The following SHISA6 variants were observed in gnomAD, a reference collection of about 807,000 sequenced individuals.
SHISA6 encodes the protein shisa family member 6.
In SHISA6, 22 loss-of-function variants were observed where a neutral mutation model predicts 47.9. The ratio of observed to expected loss-of-function variants is 0.46; its 90% CI spans 0.33 to 0.66. The LOEUF (loss-of-function observed/expected upper bound fraction) is 0.66. Among genes scored for constraint, SHISA6 ranks in the 30% least tolerant of loss-of-function variants. The pLI, the probability that SHISA6 is intolerant of heterozygous loss-of-function variation, is 0.02. For synonymous variants in SHISA6, 388 were observed against 337.8 expected (o/e 1.15, Z -1.63); for missense variants, 680 against 764.6 (o/e 0.89, Z 1.30).
intron 3 of SHISA6, among the ~76,000 whole-genome samples, chr17:11,522,015 G>C (rs1315080487): frequency 1.3e-5 from 2 of 151,312 alleles, no homozygotes; most frequent in African/African-American, 2.4e-5. Flanking sequence ...ACCCAGGCTG[G>C]AGTGCAGTGG....
chr17:11,293,673 C>T (rs1355403084), intron 2 of SHISA6, among the ~76,000 whole-genome samples: 1 of 151,946 alleles, frequency 6.6e-6, no homozygotes, highest in African/African-American at 2.4e-5. Flanking sequence ...GGGCTTTGAG[C>T]ACACCAGCTG....
intron 2 of SHISA6, among the ~76,000 whole-genome samples, chr17:11,300,034 A>G (rs1445270799): frequency 6.6e-6 from 1 of 151,830 alleles, no homozygotes; most frequent in African/African-American, 2.4e-5. Context: ...AGTCCCAGCT[A>G]CTTGGGAGGC....
At chr17:11,350,484 A>G (rs374603609) in intron 2 of SHISA6, among the ~76,000 whole-genome samples, 12 of 151,892 alleles carry the variant, frequency 7.9e-5, no homozygotes, top group African/African-American at 2.4e-4. Context: ...CCAGCCGAGG[A>G]CCCATTTAAG....
intron 3 of SHISA6, among the ~76,000 whole-genome samples, chr17:11,525,373 G>A (rs539256380): frequency 2.0e-5 from 3 of 152,144 alleles, no homozygotes; most frequent in Admixed American, 6.5e-5. Flanking sequence ...GGTGGCTCAC[G>A]CCTGTAATCC....
intron 1 of SHISA6, among the ~76,000 whole-genome samples, chr17:11,262,151 G>C (rs1374120104): frequency 1.3e-5 from 2 of 152,188 alleles, no homozygotes; most frequent in African/African-American, 4.8e-5. Context: ...GATCCAGTCA[G>C]TTGTCCCAGG....
At chr17:11,456,376 T>C (rs1915533423) in intron 3 of SHISA6, among the ~76,000 whole-genome samples, 1 of 152,164 alleles carries the variant, frequency 6.6e-6, no homozygotes, top group Non-Finnish European at 1.5e-5. Flanking sequence ...AGGCACTCAG[T>C]GTGCCGACAG....
chr17:11,523,818 C>T (rs933002208), intron 3 of SHISA6, among the ~76,000 whole-genome samples: 4 of 151,962 alleles, frequency 2.6e-5, no homozygotes, highest in African/African-American at 7.3e-5. Flanking sequence ...CCAGCCTGAC[C>T]GACATGGAGA....
At chr17:11,538,286 C>T (rs1435148530) in intron 3 of SHISA6, among the ~76,000 whole-genome samples, 1 of 152,120 alleles carries the variant, frequency 6.6e-6, no homozygotes, top group African/African-American at 2.4e-5. Flanking sequence ...CTGGTCTCAA[C>T]TCCTGACCTT....
chr17:11,390,220 G>T (rs1661419935), intron 3 of SHISA6, among the ~76,000 whole-genome samples: 1 of 152,174 alleles, frequency 6.6e-6, no homozygotes, highest in South Asian at 2.1e-4. Context: ...GAGAGTCATG[G>T]AGTCAGACAT....
intron 2 of SHISA6, among the ~76,000 whole-genome samples, chr17:11,363,810 A>G (rs1338586009): frequency 6.6e-6 from 1 of 152,138 alleles, no homozygotes; most frequent in Non-Finnish European, 1.5e-5. Context: ...GCCCCTTTCC[A>G]TGGCAATGAC....
chr17:11,260,578 C>T (rs960192686), intron 1 of SHISA6, among the ~76,000 whole-genome samples: 2 of 152,020 alleles, frequency 1.3e-5, no homozygotes, highest in African/African-American at 4.8e-5. Context: ...CCCTTTGGTT[C>T]TCTGTGGCTT....
chr17:11,389,095 C>T (rs866074157), intron 3 of SHISA6, among the ~76,000 whole-genome samples: 12 of 152,010 alleles, frequency 7.9e-5, no homozygotes, highest in Admixed American at 4.6e-4. Flanking sequence ...AGCAGGAGAG[C>T]ACTAAGCACT....
intron 3 of SHISA6, among the ~76,000 whole-genome samples, chr17:11,462,517 T>TACCATCAATATGGAGTGTTGGGCA (rs1915717244): frequency 6.6e-6 from 1 of 152,230 alleles, no homozygotes; most frequent in Non-Finnish European, 1.5e-5. Context: ...TGGCTACTAC[T>TACCATCAATATGGAGTGTTGGGCA]ACCATCAATA....
intron 2 of SHISA6, among the ~76,000 whole-genome samples, chr17:11,278,631 G>A (rs1909013289): frequency 6.6e-6 from 1 of 152,240 alleles, no homozygotes; most frequent in Non-Finnish European, 1.5e-5. Flanking sequence ...GGCAGGAGCA[G>A]CCTCTCCCAG....
intron 2 of SHISA6, among the ~76,000 whole-genome samples, chr17:11,296,008 A>G (rs1306888885): frequency 1.3e-5 from 2 of 150,176 alleles, no homozygotes; most frequent in Admixed American, 1.3e-4. Context: ...ATTCCAGGCA[A>G]TGGGAATAGC....
Position 11,551,923 on chromosome 17 carries a change from T to TGAGCAGTGTTACCCA in SHISA6, c.926_940dup (p.Ser309_Gln313dup). ...GATCATCAATATAACCATCCGATTT[T>TGAGCAGTGTTACCCA]GAGCAGTGTTACCCAGATCCCGCCA... On this transcript the variant is annotated inframe_insertion, in exon 4 of 6. Coordinates refer to ENST00000441885, the MANE Select transcript of SHISA6 (RefSeq NM_207386.4). 3 of 1,551,732 alleles carry TGAGCAGTGTTACCCA rather than the reference T, an allele frequency of 1.9e-6. No individual in the cohort carries two copies. Among genetic ancestry groups the TGAGCAGTGTTACCCA allele is most frequent in the Non-Finnish European group, 2.6e-6 (3 of 1,146,996 alleles).
intron 2 of SHISA6, among the ~76,000 whole-genome samples, chr17:11,306,401 C>G (rs1910110304): frequency 6.6e-6 from 1 of 152,184 alleles, no homozygotes; most frequent in Admixed American, 6.5e-5. Flanking sequence ...AGCTGGGCCA[C>G]AGCAATGATG....
intron 2 of SHISA6, among the ~76,000 whole-genome samples, chr17:11,300,144 T>TAA (rs1278376782): frequency 2.5e-5 from 1 of 39,744 alleles, no homozygotes. Flanking sequence ...GACTCCATCT[T>TAA]AAAACAAAAA....
At chr17:11,260,549 G>A (rs546248468) in intron 1 of SHISA6, among the ~76,000 whole-genome samples, 5 of 151,644 alleles carry the variant, frequency 3.3e-5, no homozygotes, top group Non-Finnish European at 5.9e-5. Flanking sequence ...CTTCTGAATC[G>A]CATTTTATCT....
Sources: allele counts gnomAD v4.1 joint callset (sites outside exome capture counted in the v4.1 genomes callset), GRCh38; gene constraint gnomAD v4.1.1; transcripts MANE v1.5; gene names NCBI Gene and HGNC (gene_info 2026-07-23, HGNC 2026-07-21).